Variants in PIEZO2 observed in about 807,000 individuals in gnomAD.
The protein encoded by PIEZO2 is piezo type mechanosensitive ion channel component 2.
In PIEZO2, 172 loss-of-function variants were observed where a neutral mutation model predicts 337.3. The ratio of observed to expected loss-of-function variants is 0.51; its 90% confidence interval spans 0.45 to 0.58. The LOEUF (loss-of-function observed/expected upper bound fraction) is 0.58. Ranked by LOEUF, PIEZO2 falls within the 20% of genes least tolerant of loss-of-function variation. PIEZO2 has a pLI of 0.00. For synonymous variants in PIEZO2, 1,251 were observed against 1,228.5 expected, an observed-to-expected ratio of 1.02 and a Z score of -0.38; for missense variants, 3,028 against 3,391.3, an observed-to-expected ratio of 0.89 and a Z score of 2.66.
chr18:10,684,992 C>T lies in PIEZO2; in HGVS notation c.7498-2700G>A, dbSNP rs114295958. 5.3e-3 allele frequency among the ~76,000 whole-genome samples: 800 copies of T among 152,188 alleles called. 8 individuals are homozygous for T. The highest frequency in any genetic ancestry group is 0.018 in the African/African-American group (734 of 41,512). On this transcript the variant is annotated intron_variant, in intron 49 of 55. Coordinates refer to ENST00000674853, the MANE Select transcript of PIEZO2 (RefSeq NM_001378183.1). Reference sequence around the variant, plus strand: ...CTCACTGTGCTTCCTGCTTGGTGTTCCTGTTGCACTGCATTTCCAATCAGC... The same window carrying T: ...CTCACTGTGCTTCCTGCTTGGTGTTTCTGTTGCACTGCATTTCCAATCAGC...
At chr18:10,797,877 A>T (rs1267610495) in intron 11 of PIEZO2, among the ~76,000 whole-genome samples, 6 of 152,206 alleles carry the variant, frequency 3.9e-5, no homozygotes, top group Admixed American at 1.3e-4. Flanking sequence ...TAACACAAAT[A>T]GGGCACTCTA....
intron 47 of PIEZO2, among the ~76,000 whole-genome samples, chr18:10,693,388 G>GTGTGTGTGTGTGTGTGTGTGT (rs10681218): frequency 2.0e-5 from 3 of 151,380 alleles, no homozygotes; most frequent in Admixed American, 1.3e-4. Context: ...GTGTGTGTGT[G>GTGTGTGTGTGTGTGTGTGTGT]ATGGAGTCTC....
chr18:10,949,790 C>T (rs2033204509), intron 3 of PIEZO2, among the ~76,000 whole-genome samples: 1 of 152,208 alleles, frequency 6.6e-6, no homozygotes, highest in South Asian at 2.1e-4. Context: ...ATTCAGGAGA[C>T]TGACACACAG....
rs1286504185 is a variant in PIEZO2 at position 10,707,755 on chromosome 18, A to G, written c.5588+520T>C. Among the ~76,000 whole-genome samples, 1 of 152,236 alleles carries G rather than the reference A, an allele frequency of 6.6e-6. No homozygotes were observed. Among genetic ancestry groups the G allele is most frequent in the East Asian group, 1.9e-4 (1 of 5,200 alleles). ...TGCATAATATTCTTTTTAAAAACCA[A>G]TGGTAAACTATATTCTGACTTTTAT... On this transcript the variant is annotated intron_variant, in intron 40 of 55. Coordinates refer to ENST00000674853, the MANE Select transcript of PIEZO2 (RefSeq NM_001378183.1). This position sits in a 1 kb window ranked among gnomAD's most constrained non-coding sequence, Gnocchi z 4.2.
chr18:10,684,412 G>T (rs1381595965), intron 49 of PIEZO2, among the ~76,000 whole-genome samples: 2 of 148,830 alleles, frequency 1.3e-5, no homozygotes, highest in Non-Finnish European at 3.0e-5. Context: ...TGATCTGCCC[G>T]CCTCGGCCTC....
rs2036826232 is a variant in PIEZO2 at position 11,033,934 on chromosome 18, A to G, written c.160+32193T>C. Among the ~76,000 whole-genome samples, 1 of 152,162 alleles carries G rather than the reference A, an allele frequency of 6.6e-6. No homozygotes were observed. Among genetic ancestry groups the G allele is most frequent in the South Asian group, 2.1e-4 (1 of 4,810 alleles). On this transcript the variant is annotated intron_variant, in intron 2 of 55. Coordinates refer to ENST00000674853, the MANE Select transcript of PIEZO2 (RefSeq NM_001378183.1). The surrounding 1 kb of genome is among the most constrained non-coding windows in gnomAD (Gnocchi z 4.2). ...GGTTGGTTTATAACTTTAATACCTGAAAAACTTATACGAGCTAATGTTGTG... is the reference window on the plus strand; with the variant it reads ...GGTTGGTTTATAACTTTAATACCTGGAAAACTTATACGAGCTAATGTTGTG...
intron 42 of PIEZO2, chr18:10,704,156 C>T (rs2035462894): frequency 1.8e-6 from 1 of 554,740 alleles, no homozygotes; most frequent in Non-Finnish European, 3.2e-6. Flanking sequence ...GGGAATGATG[C>T]CAGTACCCGC....
chr18:10,703,048 C>G (rs746498466), intron 42 of PIEZO2, among the ~76,000 whole-genome samples: 4 of 151,992 alleles, frequency 2.6e-5, no homozygotes, highest in African/African-American at 9.7e-5. Flanking sequence ...GAAATGGGGT[C>G]GTGCTATGTT....
chr18:10,773,589 T>A lies in PIEZO2; in HGVS notation c.2608A>T (p.Met870Leu). 1 of 1,537,328 alleles carries A rather than the reference T, an allele frequency of 6.5e-7. No homozygotes were observed. The highest frequency in any genetic ancestry group is 2.4e-5 in the East Asian group (1 of 40,910). ...PEGSLPDLTMMHLTASLEKPE... is the reference protein window; with the variant it reads ...PEGSLPDLTMLHLTASLEKPE... ...TTCTCCAGGCTGGCAGTCAGATGCA[T>A]CATGGTGAGGTCCGGGAGGCTTCCT... Residue 870 changes from methionine to leucine, a missense_variant, in exon 20 of 56, where the codon ATG (methionine) becomes TTG (leucine). Transcript: ENST00000674853. The surrounding 1 kb of genome is among the most constrained non-coding windows in gnomAD (Gnocchi z 5.3).
chr18:11,104,047 T>C lies in PIEZO2; in HGVS notation c.65-37825A>G, dbSNP rs2039492728. Among the ~76,000 whole-genome samples the C allele has an allele frequency of 2.0e-5, 3 of 152,150 alleles. No individual in the cohort carries two copies. The South Asian group carries it at 6.2e-4, about 32-fold the overall frequency. On this transcript the variant is annotated intron_variant, in intron 1 of 55. Transcript: ENST00000674853. The surrounding 1 kb of genome is among the most constrained non-coding windows in gnomAD (Gnocchi z 4.6). ...CACGTGGATCACTGAAAGTTACTGGTTTTCATGTCTTCATTTCCAGTTGAA... is the reference window on the plus strand; with the variant it reads ...CACGTGGATCACTGAAAGTTACTGGCTTTCATGTCTTCATTTCCAGTTGAA...
chr18:10,714,458 A>C (rs1370167348), intron 39 of PIEZO2, among the ~76,000 whole-genome samples: 1 of 151,928 alleles, frequency 6.6e-6, no homozygotes, highest in Non-Finnish European at 1.5e-5. Context: ...TGTCCCACAA[A>C]TAATAACTTT....
In PIEZO2 at chr18:11,068,152, T is replaced by A. The variant is rs1036893029; in HGVS notation, c.65-1930A>T. 7.9e-5 allele frequency among the ~76,000 whole-genome samples: 12 copies of A among 152,272 alleles called. No homozygotes were observed. The East Asian group carries it at 1.9e-3, about 25-fold the overall frequency. On this transcript the variant is annotated intron_variant, in intron 1 of 55. Coordinates refer to ENST00000674853, the MANE Select transcript of PIEZO2 (RefSeq NM_001378183.1). ...AGCCAGGATGGTCTCAATCTCCTGA[T>A]CTCATGATCCGCCTGCCTTGGCCAC... is the stretch of plus-strand genomic sequence containing the variant.
intron 36 of PIEZO2, among the ~76,000 whole-genome samples, chr18:10,729,364 G>A (rs1461772053): frequency 1.3e-5 from 2 of 151,932 alleles, no homozygotes; most frequent in Admixed American, 6.5e-5. Context: ...AGTGGCTCAC[G>A]CCTGTAATCC....
intron 30 of PIEZO2, among the ~76,000 whole-genome samples, chr18:10,744,984 T>C (rs1308325340): frequency 6.6e-6 from 1 of 152,242 alleles, no homozygotes; most frequent in Admixed American, 6.5e-5. Flanking sequence ...TGGAAAGTCT[T>C]GTGCTTCTCT....
At chr18:10,900,667 G>A (rs1421815449) in intron 4 of PIEZO2, among the ~76,000 whole-genome samples, 1 of 152,112 alleles carries the variant, frequency 6.6e-6, no homozygotes, top group Non-Finnish European at 1.5e-5. Flanking sequence ...ACTAGTCACC[G>A]TGTCCTTCCA....
At chr18:11,056,125 C>T (rs1287862525) in intron 2 of PIEZO2, among the ~76,000 whole-genome samples, 24 of 152,176 alleles carry the variant, frequency 1.6e-4, no homozygotes, top group Admixed American at 1.5e-3. Flanking sequence ...GCCTCAGCTG[C>T]TGGGATGCTC....
chr18:10,714,832 G>A lies in PIEZO2; in HGVS notation c.5355C>T (p.Pro1785=), dbSNP rs191626967. The part of the protein sequence containing the change: ...ESGLDTIDEH[P]GAASGAQTAH... ...CTGTCTGTGCACCTGAAGCAGCTCCGGGATGCTCGTCAATGGTGTCCAGTC... is the reference window on the plus strand; with the variant it reads ...CTGTCTGTGCACCTGAAGCAGCTCCAGGATGCTCGTCAATGGTGTCCAGTC... Residue 1785 remains proline (P), a synonymous_variant, in exon 39 of 56, where the codon CCC becomes CCT. Transcript: ENST00000674853. 670 of 1,537,216 alleles carry A rather than the reference G, an allele frequency of 4.4e-4. 3 individuals carry two copies. The African/African-American group carries it at 6.0e-3, about 14-fold the overall frequency.
chr18:10,898,078 T>C (rs2042948933), intron 4 of PIEZO2, among the ~76,000 whole-genome samples: 1 of 152,226 alleles, frequency 6.6e-6, no homozygotes, highest in African/African-American at 2.4e-5. Context: ...TTCTTTGCAT[T>C]AGGGCATTGT....
At chr18:10,689,146 A>G (rs2034685802) in intron 49 of PIEZO2, among the ~76,000 whole-genome samples, 1 of 152,218 alleles carries the variant, frequency 6.6e-6, no homozygotes, top group Admixed American at 6.5e-5. Flanking sequence ...TCTTCCATAT[A>G]TTAAACTTCT....
Sources: allele counts gnomAD v4.1 joint callset (sites outside exome capture counted in the v4.1 genomes callset), GRCh38; gene constraint gnomAD v4.1.1; non-coding constraint Gnocchi (gnomAD v3.1); transcripts MANE v1.5; gene names NCBI Gene and HGNC (gene_info 2026-07-23, HGNC 2026-07-21).